Variants in PPP3CC observed in about 807,000 individuals in gnomAD.
PPP3CC encodes the protein serine/threonine-protein phosphatase 2B catalytic subunit gamma isoform.
Under a neutral mutation model 60.3 loss-of-function variants are expected in PPP3CC, and 35 were observed. That is an observed-to-expected ratio of 0.58 (90% confidence interval 0.44 to 0.77). The LOEUF is 0.77. PPP3CC is among the 30% of genes least tolerant of loss of function. The pLI, the probability that PPP3CC is intolerant of heterozygous loss-of-function variation, is 0.00. For missense variants in PPP3CC, 570 were observed against 628.9 expected (o/e 0.91, Z 1.00); for synonymous variants, 206 against 224.3 (o/e 0.92, Z 0.73).
chr8:22,448,505 G>A lies in PPP3CC; in HGVS notation c.49+7047G>A, dbSNP rs140364090. On this transcript the variant is annotated intron_variant, in intron 1 of 13. Transcript: ENST00000240139. ...AGCGATTCTCCTGCCTCAGCCTCCCGAGTAGCTGGGATTACAGGCATGCAC... is the reference window on the plus strand; with the variant it reads ...AGCGATTCTCCTGCCTCAGCCTCCCAAGTAGCTGGGATTACAGGCATGCAC... Among the ~76,000 whole-genome samples, 477 of 151,010 alleles carry A rather than the reference G, an allele frequency of 3.2e-3. 3 individuals carry two copies. The highest frequency in any genetic ancestry group is 0.011 in the African/African-American group (452 of 41,082).
At chr8:22,459,459 G>C (rs1484433510) in intron 1 of PPP3CC, among the ~76,000 whole-genome samples, 1 of 151,854 alleles carries the variant, frequency 6.6e-6, no homozygotes, top group African/African-American at 2.4e-5. Context: ...TTTGTTATGT[G>C]TGTGTGTGTG....
At chr8:22,455,583 G>C (rs1178884474) in intron 1 of PPP3CC, among the ~76,000 whole-genome samples, 1 of 152,196 alleles carries the variant, frequency 6.6e-6, no homozygotes, top group Non-Finnish European at 1.5e-5. Context: ...GCTTCTCCAT[G>C]GAAGCAAGTT....
chr8:22,488,066 A>T (rs1387431218), intron 3 of PPP3CC, among the ~76,000 whole-genome samples: 2 of 152,214 alleles, frequency 1.3e-5, no homozygotes, highest in African/African-American at 4.8e-5. Context: ...CTATGGGTGG[A>T]TTGTGCCTTT....
chr8:22,473,468 CT>C (rs34686423), intron 1 of PPP3CC, among the ~76,000 whole-genome samples: 49 of 146,846 alleles, frequency 3.3e-4, no homozygotes, highest in Non-Finnish European at 3.4e-4. Flanking sequence ...CCCTTATCCA[CT>C]TTTTTTTTTT....
At chr8:22,512,471 A>G (rs1839115426) in intron 5 of PPP3CC, among the ~76,000 whole-genome samples, 2 of 152,096 alleles carry the variant, frequency 1.3e-5, no homozygotes, top group Non-Finnish European at 2.9e-5. Context: ...TTAATAACTC[A>G]TATTGAAATA....
chr8:22,539,586 T>C, intron 13 of PPP3CC, 88 bp downstream of exon 13: 1 of 1,336,142 alleles, frequency 7.5e-7, no homozygotes, highest in Non-Finnish European at 1.1e-6. Context: ...TATTTTATTA[T>C]TGCATCACCA....
intron 1 of PPP3CC, among the ~76,000 whole-genome samples, chr8:22,471,549 TGTAC>T (rs1223781524): frequency 2.0e-5 from 3 of 152,226 alleles, no homozygotes; most frequent in African/African-American, 7.2e-5. Context: ...AGCAGGTTAC[TGTAC>T]TGGATACTGT....
At position 22,522,423 on chromosome 8, in the gene PPP3CC, T is replaced by C. The variant is rs115737775; in HGVS notation, c.771-68T>C. ...AAATCAGCTAATATCACCTTGACTT[T>C]TCCCCATCTTCCTATTAAAAAAAAT... On this transcript the variant is annotated intron_variant, in intron 6 of 13. Coordinates refer to ENST00000240139, the MANE Select transcript of PPP3CC (RefSeq NM_005605.5). 620 of 1,274,898 alleles carry C rather than the reference T, an allele frequency of 4.9e-4. 3 individuals are homozygous for C. The African/African-American group carries it at 8.3e-3, about 17-fold the overall frequency. 79.0% of individuals were successfully genotyped at this position (1,274,898 alleles called of 1,614,324 possible).
At chr8:22,511,552 G>A (rs1363766379) in intron 5 of PPP3CC, among the ~76,000 whole-genome samples, 2 of 152,118 alleles carry the variant, frequency 1.3e-5, no homozygotes, top group African/African-American at 2.4e-5. Context: ...TTACAGGTGT[G>A]AGCCACCGCA....
At chr8:22,460,087 AT>A (rs1341022353) in intron 1 of PPP3CC, among the ~76,000 whole-genome samples, 1 of 152,198 alleles carries the variant, frequency 6.6e-6, no homozygotes, top group African/African-American at 2.4e-5. Flanking sequence ...ATTAAGATAT[AT>A]ACTGACATCT....
intron 4 of PPP3CC, among the ~76,000 whole-genome samples, chr8:22,500,100 G>C (rs1838718984): frequency 6.6e-6 from 1 of 152,142 alleles, no homozygotes; most frequent in Non-Finnish European, 1.5e-5. Context: ...AAGAATTTCT[G>C]GGTTAGGGGG....
intron 6 of PPP3CC, among the ~76,000 whole-genome samples, chr8:22,515,548 A>G (rs1046011402): frequency 1.3e-5 from 2 of 152,194 alleles, no homozygotes; most frequent in Admixed American, 1.3e-4. Context: ...AGGAACTCCA[A>G]ACTGTTCTCC....
intron 12 of PPP3CC, among the ~76,000 whole-genome samples, chr8:22,534,836 A>G (rs1839809493): frequency 1.3e-5 from 2 of 152,258 alleles, no homozygotes. Flanking sequence ...AATCTCATAG[A>G]CATTACAGAA....
chr8:22,490,305 T>C (rs1174655376), intron 3 of PPP3CC, among the ~76,000 whole-genome samples: 2 of 152,260 alleles, frequency 1.3e-5, no homozygotes, highest in African/African-American at 4.8e-5. Context: ...TCATCAGGCG[T>C]GGGGTGGAAC....
At chr8:22,494,859 T>A (rs1838516230) in intron 3 of PPP3CC, among the ~76,000 whole-genome samples, 1 of 152,236 alleles carries the variant, frequency 6.6e-6, no homozygotes. Context: ...CTGCATTTTT[T>A]ATGTACAAAG....
At chr8:22,494,261 G>T (rs949537346) in intron 3 of PPP3CC, among the ~76,000 whole-genome samples, 2 of 152,118 alleles carry the variant, frequency 1.3e-5, no homozygotes, top group Non-Finnish European at 2.9e-5. Flanking sequence ...GGAGACAAAA[G>T]GCAAAAGGTA....
rs1412184598 is a variant in PPP3CC, at chr8:22,475,051, A to G, written c.147A>G (p.Glu49=). The G allele has an allele frequency of 1.2e-6, 2 of 1,613,490 alleles. No homozygotes were observed. The highest frequency in any genetic ancestry group is 1.7e-6 in the Non-Finnish European group (2 of 1,179,654). ...VDVLKNHLVK[E]GRLEEEVALK... is the part of the protein sequence containing the mutation. ...TTTTAAAAAACCATTTGGTAAAGGA[A>G]GGACGACTGGAAGAGGAAGTAGCCT... The change falls in exon 2 of 14, where the codon GAA becomes GAG. Residue 49 remains glutamate, a synonymous_variant. Coordinates refer to ENST00000240139, the MANE Select transcript of PPP3CC (RefSeq NM_005605.5).
chr8:22,525,522 CTTTCTTTCTTTCTT>C (rs1839527160), intron 8 of PPP3CC, among the ~76,000 whole-genome samples: 1 of 93,766 alleles, frequency 1.1e-5, no homozygotes, highest in African/African-American at 4.4e-5. Context: ...TTCTTTCTTT[CTTTCTTTCTTTCTT>C]TCTCTCCCTC....
chr8:22,449,447 CAAAAAAAAAAAAA>C (rs35113938), intron 1 of PPP3CC, among the ~76,000 whole-genome samples: 84 of 59,680 alleles, frequency 1.4e-3, no homozygotes, highest in Admixed American at 5.7e-3. Context: ...GACCCCATCT[CAAAAAAAAAAAAA>C]AAAAAAAAAA....
Sources: allele counts gnomAD v4.1 joint callset (sites outside exome capture counted in the v4.1 genomes callset), GRCh38; gene constraint gnomAD v4.1.1; transcripts MANE v1.5; gene names NCBI Gene and HGNC (gene_info 2026-07-23, HGNC 2026-07-21).